B3GALT1: variants seen among roughly 807,000 people sequenced by gnomAD.
B3GALT1 encodes the protein beta-1,3-galactosyltransferase 1.
Under a neutral mutation model 23.2 loss-of-function variants are expected in B3GALT1, and 10 were observed. The observed-to-expected ratio is 0.43, with a 90% confidence interval of 0.27 to 0.73. The LOEUF (loss-of-function observed/expected upper bound fraction) is 0.73, where lower values mean the gene tolerates loss of function less well. Ranked by LOEUF, B3GALT1 falls within the 30% of genes least tolerant of loss-of-function variation. The probability of loss-of-function intolerance (pLI) is 0.21; values close to 1 mark genes in which losing one functional copy is unlikely to be tolerated. For synonymous variants in B3GALT1, 156 were observed against 141.5 expected (o/e 1.10, Z -0.73); for missense variants, 299 against 405.4 (o/e 0.74, Z 2.25).
At chr2:167,321,896 G>A (rs911316801) in intron 1 of B3GALT1, among the ~76,000 whole-genome samples, 2 of 151,900 alleles carry the variant, frequency 1.3e-5, no homozygotes, top group Admixed American at 1.3e-4. Context: ...TTTTAATAAA[G>A]AGAATACCAA....
In B3GALT1 at chr2:167,774,780, G is replaced by A. The variant is rs184299619; in HGVS notation, c.-351-43892G>A. 2.9e-3 allele frequency among the ~76,000 whole-genome samples: 446 copies of A among 152,144 alleles called. 3 individuals are homozygous for A. The highest frequency in any genetic ancestry group is 0.01 in the African/African-American group (427 of 41,456). Reference sequence around the variant, plus strand: ...CAAAGTGCTGGGATTACAGGCGTGAGCCACCACGCCCGGCCTCTATGTTTA... The same window carrying A: ...CAAAGTGCTGGGATTACAGGCGTGAACCACCACGCCCGGCCTCTATGTTTA... On this transcript the variant is annotated intron_variant, in intron 3 of 4. Coordinates refer to ENST00000392690, the MANE Select transcript of B3GALT1 (RefSeq NM_020981.4).
At chr2:167,678,418 T>C (rs976517201) in intron 3 of B3GALT1, among the ~76,000 whole-genome samples, 3 of 152,172 alleles carry the variant, frequency 2.0e-5, no homozygotes, top group African/African-American at 7.2e-5. Context: ...GACTAGGAAG[T>C]GGGAGCATCA....
intron 3 of B3GALT1, among the ~76,000 whole-genome samples, chr2:167,783,848 C>A (rs1294099539): frequency 6.6e-6 from 1 of 152,154 alleles, no homozygotes; most frequent in Non-Finnish European, 1.5e-5. Context: ...AGGAGAACAC[C>A]CATCTCATTA....
At chr2:167,736,391 T>C (rs951688989) in intron 3 of B3GALT1, among the ~76,000 whole-genome samples, 18 of 152,216 alleles carry the variant, frequency 1.2e-4, no homozygotes, top group African/African-American at 4.3e-4. Flanking sequence ...CTTCTTTTCA[T>C]CACTATAGAA....
At position 167,553,350 on chromosome 2, in the gene B3GALT1, A is replaced by G. The variant is rs375584708; in HGVS notation, c.-410+63073A>G. On this transcript the variant is annotated intron_variant, in intron 2 of 4. Transcript: ENST00000392690. Reference sequence around the variant, plus strand: ...CTTGGGTTAATAAAATGTTAGGAGCAAGCTAAGAGATTCAACTGTAAGAAG... The same window carrying G: ...CTTGGGTTAATAAAATGTTAGGAGCGAGCTAAGAGATTCAACTGTAAGAAG... Among the ~76,000 whole-genome samples the G allele has an allele frequency of 2.0e-5, 3 of 152,342 alleles. No individual in the cohort carries two copies. The East Asian group carries it at 5.8e-4, about 29-fold the overall frequency.
chr2:167,477,180 G>T (rs140992336), intron 1 of B3GALT1, among the ~76,000 whole-genome samples: 5 of 152,312 alleles, frequency 3.3e-5, no homozygotes, highest in African/African-American at 1.2e-4. Flanking sequence ...ATCTTTGTGC[G>T]TGGGAAGGAG....
chr2:167,830,401 A>G (rs1015364122), intron 4 of B3GALT1, among the ~76,000 whole-genome samples: 4 of 151,972 alleles, frequency 2.6e-5, no homozygotes, highest in Non-Finnish European at 4.4e-5. Flanking sequence ...GTTTGGTTAG[A>G]CAATCAAGGA....
intron 3 of B3GALT1, among the ~76,000 whole-genome samples, chr2:167,774,443 C>T (rs568344107): frequency 6.7e-6 from 1 of 149,826 alleles, no homozygotes; most frequent in Non-Finnish European, 1.5e-5. Context: ...CTTTGCATAC[C>T]TGCTTCTGTA....
chr2:167,761,982 A>G (rs994531035), intron 3 of B3GALT1, among the ~76,000 whole-genome samples: 1 of 152,230 alleles, frequency 6.6e-6, no homozygotes, highest in African/African-American at 2.4e-5. Flanking sequence ...GTATTAGTCA[A>G]ACTAAGTTGG....
chr2:167,376,524 A>G (rs1269896858), intron 1 of B3GALT1, among the ~76,000 whole-genome samples: 1 of 151,996 alleles, frequency 6.6e-6, no homozygotes, highest in Non-Finnish European at 1.5e-5. Flanking sequence ...TCAAAAGTTG[A>G]TATTGGCCTA....
intron 1 of B3GALT1, among the ~76,000 whole-genome samples, chr2:167,340,584 A>G (rs1329954472): frequency 1.3e-5 from 2 of 152,196 alleles, no homozygotes; most frequent in Non-Finnish European, 2.9e-5. Flanking sequence ...TCCAGGAAAA[A>G]GGCAAAGGAG....
At position 167,764,257 on chromosome 2, in the gene B3GALT1, G is replaced by C. The variant is rs79597713; in HGVS notation, c.-351-54415G>C. Among the ~76,000 whole-genome samples, 973 of 152,166 alleles carry C rather than the reference G, an allele frequency of 6.4e-3. 9 individuals are homozygous for C. Among genetic ancestry groups the C allele is most frequent in the African/African-American group, 0.022 (921 of 41,522 alleles). The stretch of plus-strand genomic sequence containing the variant: ...GCACATTGGGTTACCAACATTAGTC[G>C]CCACTGTCATATTCAGAAATTAATC... On this transcript the variant is annotated intron_variant, in intron 3 of 4. Transcript: ENST00000392690.
At chr2:167,430,392 A>G (rs1371227806) in intron 1 of B3GALT1, among the ~76,000 whole-genome samples, 1 of 152,224 alleles carries the variant, frequency 6.6e-6, no homozygotes, top group African/African-American at 2.4e-5. Context: ...CTGAAGAATT[A>G]GAGCAGAGGC....
intron 4 of B3GALT1, among the ~76,000 whole-genome samples, chr2:167,835,111 G>C (rs186981445): frequency 1.3e-5 from 2 of 152,304 alleles, no homozygotes; most frequent in East Asian, 1.9e-4. Flanking sequence ...CGACGCAGAA[G>C]ACGGGTGATT....
At chr2:167,826,984 G>A (rs890864053) in intron 4 of B3GALT1, among the ~76,000 whole-genome samples, 1 of 152,158 alleles carries the variant, frequency 6.6e-6, no homozygotes, top group Non-Finnish European at 1.5e-5. Context: ...TACTAAGGAT[G>A]ACAGTATTGG....
intron 2 of B3GALT1, among the ~76,000 whole-genome samples, chr2:167,560,415 A>G (rs1195711514): frequency 3.9e-5 from 6 of 152,180 alleles, no homozygotes; most frequent in Non-Finnish European, 7.3e-5. Context: ...CAAAATAACC[A>G]GCTAACATCA....
chr2:167,390,853 G>T (rs893576293), intron 1 of B3GALT1, among the ~76,000 whole-genome samples: 1 of 152,068 alleles, frequency 6.6e-6, no homozygotes, highest in Non-Finnish European at 1.5e-5. Flanking sequence ...TTAATCTAAC[G>T]CAGTCATTGA....
At chr2:167,649,973 T>C (rs1394966426) in intron 3 of B3GALT1, among the ~76,000 whole-genome samples, 3 of 151,952 alleles carry the variant, frequency 2.0e-5, no homozygotes, top group Non-Finnish European at 2.9e-5. Context: ...GTAATGAATA[T>C]GTGCATCTTT....
chr2:167,856,694 A>C (rs540999879), intron 4 of B3GALT1, among the ~76,000 whole-genome samples: 16 of 152,314 alleles, frequency 1.1e-4, no homozygotes, highest in African/African-American at 3.8e-4. Flanking sequence ...GAATAGCATC[A>C]AGTGCCATGT....
Sources: gnomAD v4.1 joint callset for allele counts (sites outside exome capture counted in the v4.1 genomes callset) on GRCh38, gnomAD v4.1.1 for gene constraint, MANE v1.5 for transcripts, NCBI Gene and HGNC (gene_info 2026-07-23, HGNC 2026-07-21) for gene names.